ATP8A2: variants seen among roughly 807,000 people sequenced by gnomAD.
The protein encoded by ATP8A2 is ATPase phospholipid transporting 8A2.
Under a neutral mutation model 165.6 loss-of-function variants are expected in ATP8A2, and 100 were observed. The ratio of observed to expected loss-of-function variants is 0.60; its 90% CI spans 0.51 to 0.71. The LOEUF (loss-of-function observed/expected upper bound fraction) is 0.71. Ranked by LOEUF, ATP8A2 falls within the 30% of genes least tolerant of loss-of-function variation. ATP8A2 has a pLI of 0.00. For missense variants in ATP8A2, 1,227 were observed against 1,479.5 expected, an observed-to-expected ratio of 0.83 and a Z score of 2.80; for synonymous variants, 543 against 548.8, an observed-to-expected ratio of 0.99 and a Z score of 0.15.
At chr13:25,587,470 C>A (rs1014033331) in intron 23 of ATP8A2, among the ~76,000 whole-genome samples, 1 of 151,884 alleles carries the variant, frequency 6.6e-6, no homozygotes, top group Admixed American at 6.6e-5. Context: ...TCCATAATAT[C>A]TTTGTGTAGC....
chr13:25,389,245 T>C (rs2033160100), intron 1 of ATP8A2, among the ~76,000 whole-genome samples: 1 of 152,222 alleles, frequency 6.6e-6, no homozygotes, highest in East Asian at 1.9e-4. Context: ...GTTGGGTTTT[T>C]GTAATATTAA....
chr13:26,007,975 G>C (rs577510090), intron 35 of ATP8A2, among the ~76,000 whole-genome samples: 7 of 152,242 alleles, frequency 4.6e-5, no homozygotes, highest in African/African-American at 1.7e-4. Flanking sequence ...TGTGCCCAGG[G>C]AAATAGATGA....
intron 28 of ATP8A2, among the ~76,000 whole-genome samples, chr13:25,829,425 C>T (rs1365785111): frequency 6.6e-6 from 1 of 151,844 alleles, no homozygotes; most frequent in African/African-American, 2.4e-5. Flanking sequence ...AGGGCCTCCC[C>T]TTTGTGTACT....
intron 33 of ATP8A2, among the ~76,000 whole-genome samples, chr13:25,919,382 G>A (rs1164000702): frequency 1.3e-5 from 2 of 152,034 alleles, no homozygotes; most frequent in Non-Finnish European, 2.9e-5. Flanking sequence ...CTTTATAACT[G>A]TATTCAGATC....
intron 30 of ATP8A2, among the ~76,000 whole-genome samples, chr13:25,847,757 G>A (rs968858830): frequency 3.3e-5 from 5 of 152,014 alleles, no homozygotes; most frequent in Admixed American, 2.0e-4. Context: ...CCTTGATTCC[G>A]GAGACACTGT....
chr13:25,889,698 C>G (rs749508135), intron 33 of ATP8A2, among the ~76,000 whole-genome samples: 1 of 152,016 alleles, frequency 6.6e-6, no homozygotes, highest in African/African-American at 2.4e-5. Flanking sequence ...TCTAGAAATT[C>G]TTGCTGTTTT....
chr13:25,451,254 C>A (rs1401584530), intron 1 of ATP8A2, among the ~76,000 whole-genome samples: 1 of 150,882 alleles, frequency 6.6e-6, no homozygotes, highest in Non-Finnish European at 1.5e-5. Flanking sequence ...GTTTTCATTT[C>A]AGGTGTTCTA....
chr13:25,622,197 C>T (rs989824806), intron 24 of ATP8A2, among the ~76,000 whole-genome samples: 19 of 118,508 alleles, frequency 1.6e-4, no homozygotes, highest in African/African-American at 5.7e-4. Flanking sequence ...CAGAGCAAGA[C>T]TCTGTCTCAA....
chr13:25,387,265 T>C (rs993114151), intron 1 of ATP8A2, among the ~76,000 whole-genome samples: 1 of 152,178 alleles, frequency 6.6e-6, no homozygotes, highest in Admixed American at 6.5e-5. Context: ...AATGGGTCTG[T>C]GCTGCAGGGT....
chr13:25,973,944 T>C (rs1955968895), intron 35 of ATP8A2, among the ~76,000 whole-genome samples: 1 of 152,240 alleles, frequency 6.6e-6, no homozygotes, highest in Admixed American at 6.5e-5. Context: ...TGGCTTTTTT[T>C]CCAGCCAAAA....
At chr13:25,533,447 G>A (rs1424650676) in intron 6 of ATP8A2, 134 bp downstream of exon 6, 12 of 536,658 alleles carry the variant, frequency 2.2e-5, no homozygotes, top group Middle Eastern at 2.7e-4. Flanking sequence ...GACCTGATGC[G>A]TGTTTACTCC....
intron 11 of ATP8A2, among the ~76,000 whole-genome samples, chr13:25,552,507 A>T (rs2038855521): frequency 6.6e-6 from 1 of 152,210 alleles, no homozygotes; most frequent in Non-Finnish European, 1.5e-5. Context: ...ATATATAATT[A>T]TACTATCTTT....
At chr13:25,635,488 C>A in intron 24 of ATP8A2, among the ~76,000 whole-genome samples, 1 of 152,158 alleles carries the variant, frequency 6.6e-6, no homozygotes, top group East Asian at 1.9e-4. Flanking sequence ...AATCACAGAA[C>A]CATATTAACA....
At chr13:25,719,034 C>A (rs768729267) in intron 25 of ATP8A2, among the ~76,000 whole-genome samples, 9 of 152,250 alleles carry the variant, frequency 5.9e-5, no homozygotes, top group Admixed American at 2.0e-4. Flanking sequence ...CTAAATTAGA[C>A]CTACTGTGAA....
chr13:25,450,823 G>A (rs906255410), intron 1 of ATP8A2, among the ~76,000 whole-genome samples: 4 of 152,100 alleles, frequency 2.6e-5, no homozygotes, highest in East Asian at 1.9e-4. Flanking sequence ...GAGCCACCGC[G>A]CCCAGCCCTG....
intron 27 of ATP8A2, among the ~76,000 whole-genome samples, chr13:25,820,981 C>T (rs778852111): frequency 4.7e-5 from 7 of 149,892 alleles, no homozygotes; most frequent in Non-Finnish European, 7.4e-5. Flanking sequence ...TAAATAGTTT[C>T]GATGAAATAA....
At chr13:25,889,245 C>CATATATATAGATATATATATATAT (rs1953269604) in intron 33 of ATP8A2, among the ~76,000 whole-genome samples, 1 of 109,972 alleles carries the variant, frequency 9.1e-6, no homozygotes. Context: ...CATCCTTTGT[C>CATATATATAGATATATATATATAT]ATATATATAT....
intron 33 of ATP8A2, among the ~76,000 whole-genome samples, chr13:25,921,621 CAAAAAAAA>C (rs11316144): frequency 8.5e-6 from 1 of 117,702 alleles, no homozygotes; most frequent in Non-Finnish European, 1.8e-5. Context: ...GACTCTGTCT[CAAAAAAAA>C]AAAAAAAAAG....
In ATP8A2 at chr13:25,513,042, G is replaced by T. The variant is rs373883270; in HGVS notation, c.222-16957G>T. ...CCCCACCTCCCTCCCGGACGGGGCG[G>T]CTGGCCTGGCGGGGGCTGACCCCCA... On this transcript the variant is annotated intron_variant, in intron 2 of 36. Transcript: ENST00000381655. Among the ~76,000 whole-genome samples, 646 of 150,730 alleles carry T rather than the reference G, an allele frequency of 4.3e-3. 26 individuals are homozygous for T. In the East Asian group the frequency reaches 0.1, roughly 24 times the overall value.
Sources: gnomAD v4.1 joint callset for allele counts (sites outside exome capture counted in the v4.1 genomes callset) on GRCh38, gnomAD v4.1.1 for gene constraint, MANE v1.5 for transcripts, NCBI Gene and HGNC (gene_info 2026-07-23, HGNC 2026-07-21) for gene names.